DOCK2: variants seen among roughly 807,000 people sequenced by gnomAD.
The protein encoded by DOCK2 is dedicator of cytokinesis 2.
DOCK2 carries 87 observed loss-of-function variants against 248.9 expected under a neutral mutation model. The observed-to-expected ratio is 0.35, with a 90% CI of 0.29 to 0.42. The LOEUF is 0.42. DOCK2 is among the 10% of genes least tolerant of loss of function. The pLI is 1.00. For missense variants in DOCK2, 1,747 were observed against 2,300.2 expected, an observed-to-expected ratio of 0.76 and a Z score of 4.92; for synonymous variants, 805 against 821.6, an observed-to-expected ratio of 0.98 and a Z score of 0.35.
rs368726336 is a variant in DOCK2 at position 170,047,661 on chromosome 5, C to T, written c.4071+47C>T. ...ACACCAGGCGAGAGCCCCAGGGCCT[C>T]GGCATCTCAGCGGTCCTTCTATGCT... is the stretch of plus-strand genomic sequence containing the variant. On this transcript the variant is annotated intron_variant, in intron 40 of 51. Coordinates refer to ENST00000520908, the MANE Select transcript of DOCK2 (RefSeq NM_004946.3). The T allele has an allele frequency of 1.8e-4, 283 of 1,551,890 alleles. 1 individual carries two copies. The Middle Eastern group carries it at 2.2e-3, about 12-fold the overall frequency.
chr5:169,738,922 C>T (rs536915070), intron 22 of DOCK2, among the ~76,000 whole-genome samples: 2 of 152,302 alleles, frequency 1.3e-5, no homozygotes, highest in East Asian at 3.9e-4. Flanking sequence ...CTGGTGGGCC[C>T]TTGGTCATCC....
At chr5:169,827,867 A>C (rs971317871) in intron 26 of DOCK2, among the ~76,000 whole-genome samples, 12 of 150,570 alleles carry the variant, frequency 8.0e-5, no homozygotes, top group East Asian at 2.0e-4. Flanking sequence ...AAACATTAAA[A>C]ACACACACAC....
chr5:170,030,372 C>G (rs568162053), intron 34 of DOCK2, among the ~76,000 whole-genome samples: 56 of 152,294 alleles, frequency 3.7e-4, no homozygotes, highest in Non-Finnish European at 4.7e-4. Flanking sequence ...GCCCCTGTGC[C>G]TGCTCCATCC....
At chr5:169,759,681 A>G (rs373468308) in intron 23 of DOCK2, 24 bp from the exon 24 acceptor site, 116 of 1,613,528 alleles carry the variant, frequency 7.2e-5, no homozygotes, top group Non-Finnish European at 8.9e-5. Flanking sequence ...AGGATCACTT[A>G]TATGTATTTT....
At position 170,038,303 on chromosome 5, in the gene DOCK2, C is replaced by T. The variant is rs185582342; in HGVS notation, c.3665+1748C>T. On this transcript the variant is annotated intron_variant, in intron 36 of 51. Coordinates refer to ENST00000520908, the MANE Select transcript of DOCK2 (RefSeq NM_004946.3). Reference sequence around the variant, plus strand: ...CCCCTTCTCATTTTAGAAACACAGACGGCAAATCCCAGACCTCCACAAGCT... The same window carrying T: ...CCCCTTCTCATTTTAGAAACACAGATGGCAAATCCCAGACCTCCACAAGCT... Among the ~76,000 whole-genome samples, 122 of 152,294 alleles carry T rather than the reference C, an allele frequency of 8.0e-4. 1 individual carries two copies. Among genetic ancestry groups the T allele is most frequent in the African/African-American group, 2.6e-3 (108 of 41,550 alleles).
intron 30 of DOCK2, chr5:169,998,152 T>C (rs1010966619): frequency 7.2e-6 from 3 of 419,084 alleles, no homozygotes; most frequent in African/African-American, 6.2e-5. Flanking sequence ...TCCTGGAGTC[T>C]CTTCATAGCA....
intron 22 of DOCK2, 21 bp from the exon 23 acceptor site, chr5:169,747,374 AC>A: frequency 6.3e-7 from 1 of 1,598,842 alleles, no homozygotes; most frequent in Non-Finnish European, 8.5e-7. Context: ...TTGAGAAATG[AC>A]CCAGATGTAT....
At chr5:169,731,514 C>T (rs1762766010) in intron 22 of DOCK2, among the ~76,000 whole-genome samples, 1 of 152,152 alleles carries the variant, frequency 6.6e-6, no homozygotes, top group Admixed American at 6.5e-5. Context: ...CATTAAACCT[C>T]TTTCTTTTGT....
intron 25 of DOCK2, among the ~76,000 whole-genome samples, chr5:169,765,102 A>ACC (rs1554098303): frequency 9.5e-5 from 14 of 147,846 alleles, no homozygotes; most frequent in African/African-American, 3.3e-4. Context: ...ACACACACAC[A>ACC]CCCCACACAC....
intron 27 of DOCK2, chr5:169,875,904 T>A (rs544496964): frequency 3.3e-4 from 50 of 152,392 alleles, no homozygotes; most frequent in African/African-American, 1.1e-3. Context: ...TTATGTCCCT[T>A]TGTTGAAATT....
chr5:169,705,495 A>T (rs1761215640), intron 14 of DOCK2, among the ~76,000 whole-genome samples: 3 of 152,156 alleles, frequency 2.0e-5, no homozygotes, highest in Non-Finnish European at 4.4e-5. Flanking sequence ...CTGAATTAGT[A>T]AGAGGATGTT....
Position 169,682,413 on chromosome 5 carries a change from G to A in DOCK2, c.606+534G>A, listed in dbSNP as rs1048926369. On this transcript the variant is annotated intron_variant, in intron 7 of 51. Coordinates refer to ENST00000520908, the MANE Select transcript of DOCK2 (RefSeq NM_004946.3). Reference sequence around the variant, plus strand: ...TAGGACTGCATTCTGACTATTCAAGGAGTAGGAAAGCCAAACAAGGATGAG... The same window carrying A: ...TAGGACTGCATTCTGACTATTCAAGAAGTAGGAAAGCCAAACAAGGATGAG... Among the ~76,000 whole-genome samples the A allele has an allele frequency of 3.3e-5, 5 of 152,358 alleles. No homozygotes were observed. In the East Asian group the frequency reaches 5.8e-4, roughly 18 times the overall value.
At chr5:169,883,117 G>A (rs867573598) in intron 27 of DOCK2, 2 of 1,551,624 alleles carry the variant, frequency 1.3e-6, no homozygotes. Flanking sequence ...AACGCTGGTG[G>A]CATTTAAGCA....
intron 46 of DOCK2, among the ~76,000 whole-genome samples, chr5:170,072,206 T>C (rs1444039784): frequency 6.6e-6 from 1 of 152,204 alleles, no homozygotes; most frequent in East Asian, 1.9e-4. Flanking sequence ...CTGCCAATCT[T>C]CTATCACCAT....
intron 27 of DOCK2, among the ~76,000 whole-genome samples, chr5:169,978,386 T>TGGGGGGGGGG (rs1561863630): frequency 6.0e-5 from 1 of 16,718 alleles, no homozygotes; most frequent in Non-Finnish European, 1.1e-4. Flanking sequence ...TGTGTGTGTG[T>TGGGGGGGGGG]GTGTGTGGGG....
At chr5:169,903,853 A>G (rs556788909) in intron 27 of DOCK2, among the ~76,000 whole-genome samples, 1 of 152,104 alleles carries the variant, frequency 6.6e-6, no homozygotes, top group African/African-American at 2.4e-5. Context: ...TAATCCCAGC[A>G]CTTTGGGAGG....
intron 2 of DOCK2, among the ~76,000 whole-genome samples, chr5:169,655,729 T>C (rs183995439): frequency 3.0e-4 from 46 of 152,202 alleles, no homozygotes; most frequent in Non-Finnish European, 5.0e-4. Context: ...CATACATATG[T>C]ACATATATAC....
chr5:169,860,575 C>G (rs1771136819), intron 27 of DOCK2, among the ~76,000 whole-genome samples: 1 of 152,140 alleles, frequency 6.6e-6, no homozygotes, highest in South Asian at 2.1e-4. Context: ...GATTCTATGT[C>G]CAGGGTTTGT....
intron 1 of DOCK2, among the ~76,000 whole-genome samples, chr5:169,644,841 G>A (rs772017040): frequency 1.4e-4 from 21 of 151,790 alleles, no homozygotes; most frequent in Non-Finnish European, 2.8e-4. Flanking sequence ...TTCTCTCCCC[G>A]TGGCCATATG....
Sources: gnomAD v4.1 joint callset for allele counts (sites outside exome capture counted in the v4.1 genomes callset) on GRCh38, gnomAD v4.1.1 for gene constraint, MANE v1.5 for transcripts, NCBI Gene and HGNC (gene_info 2026-07-23, HGNC 2026-07-21) for gene names.